Variants in PDE2A observed in about 807,000 individuals in gnomAD.
PDE2A encodes phosphodiesterase 2A.
In PDE2A, 53 loss-of-function variants were observed where a neutral mutation model predicts 133.6. That is an observed-to-expected ratio of 0.40 (90% CI 0.32 to 0.50). PDE2A has a LOEUF of 0.50. Ranked by LOEUF, PDE2A falls within the 20% of genes least tolerant of loss-of-function variation. The pLI is 0.73. For synonymous variants in PDE2A, 491 were observed against 490.2 expected, an observed-to-expected ratio of 1.00 and a Z score of -0.02; for missense variants, 796 against 1,232.4, an observed-to-expected ratio of 0.65 and a Z score of 5.30.
At chr11:72,604,400 C>G (rs1371111072) in intron 4 of PDE2A, among the ~76,000 whole-genome samples, 1 of 152,196 alleles carries the variant, frequency 6.6e-6, no homozygotes, top group Non-Finnish European at 1.5e-5. Context: ...AAATGGGCAT[C>G]AAGGTATCAG....
intron 1 of PDE2A, among the ~76,000 whole-genome samples, chr11:72,660,484 C>T (rs945237988): frequency 1.3e-5 from 2 of 152,208 alleles, no homozygotes; most frequent in Non-Finnish European, 2.9e-5. Context: ...TTAGCTTTCT[C>T]CCTGCTCTCA....
intron 13 of PDE2A, 29 bp from the exon 14 acceptor site, chr11:72,586,210 G>C (rs1362939338): frequency 1.5e-6 from 2 of 1,345,114 alleles, no homozygotes; most frequent in Admixed American, 1.8e-5. Context: ...TCACTCAGGA[G>C]GGAAGGGAAG....
intron 1 of PDE2A, among the ~76,000 whole-genome samples, chr11:72,646,510 C>G (rs1859131432): frequency 6.6e-6 from 1 of 152,210 alleles, no homozygotes; most frequent in African/African-American, 2.4e-5. Flanking sequence ...ACCCAGTGCT[C>G]TTTGCACCAA....
At chr11:72,653,179 T>C (rs920354761) in intron 1 of PDE2A, among the ~76,000 whole-genome samples, 1 of 152,154 alleles carries the variant, frequency 6.6e-6, no homozygotes, top group Non-Finnish European at 1.5e-5. Context: ...GGACTCCATC[T>C]GTTCTCTGGG....
chr11:72,652,275 C>T lies in PDE2A; in HGVS notation c.72-9949G>A, dbSNP rs189169631. On this transcript the variant is annotated intron_variant, in intron 1 of 30. Transcript: ENST00000334456. Reference sequence around the variant, plus strand: ...CCTTCTCCATGGGCCCATCAGCCTGCCTGTTGTGTTTTGTTTTTTTGAGAT... The same window carrying T: ...CCTTCTCCATGGGCCCATCAGCCTGTCTGTTGTGTTTTGTTTTTTTGAGAT... 2.0e-5 allele frequency among the ~76,000 whole-genome samples: 3 copies of T among 152,282 alleles called. No homozygotes were observed. The East Asian group carries it at 5.8e-4, about 29-fold the overall frequency.
intron 19 of PDE2A, 80 bp from the exon 20 acceptor site, chr11:72,583,595 TC>T: frequency 1.1e-6 from 1 of 910,136 alleles, no homozygotes; most frequent in Non-Finnish European, 1.8e-6. Context: ...GATGAAGGGG[TC>T]AAAAAGACAC....
chr11:72,608,764 A>G lies in PDE2A; in HGVS notation c.145-13T>C, dbSNP rs1290676804. 6.1e-6 allele frequency: 9 copies of G among 1,482,918 alleles called. No homozygotes were observed. The highest frequency in any genetic ancestry group is 8.3e-6 in the Non-Finnish European group (9 of 1,079,784). The allele number at this position is 1,482,918 out of a possible 1,614,324, so 91.9% of individuals were successfully genotyped here. On this transcript the variant is annotated splice_polypyrimidine_tract_variant and intron_variant, in intron 2 of 30. Coordinates refer to ENST00000334456, the MANE Select transcript of PDE2A (RefSeq NM_002599.5). ...TCAGCAAGGCGTCCTGGAAGAGAGGAGAGGGCAGTGAGAGGCTTTGCCAGG... is the reference window on the plus strand; with the variant it reads ...TCAGCAAGGCGTCCTGGAAGAGAGGGGAGGGCAGTGAGAGGCTTTGCCAGG...
chr11:72,596,877 T>C (rs1742236281), intron 5 of PDE2A, among the ~76,000 whole-genome samples: 1 of 151,952 alleles, frequency 6.6e-6, no homozygotes. Flanking sequence ...CACAACCTTC[T>C]TGTGATCCTC....
At chr11:72,651,615 G>T (rs1199416457) in intron 1 of PDE2A, among the ~76,000 whole-genome samples, 1 of 152,212 alleles carries the variant, frequency 6.6e-6, no homozygotes, top group East Asian at 1.9e-4. Flanking sequence ...TCCTTGAAAG[G>T]TGGCTGTGAA....
At chr11:72,620,073 A>G (rs1857682139) in intron 2 of PDE2A, among the ~76,000 whole-genome samples, 1 of 151,742 alleles carries the variant, frequency 6.6e-6, no homozygotes, top group Non-Finnish European at 1.5e-5. Context: ...GCACCACCCC[A>G]CCTCTGCTGG....
At chr11:72,656,351 G>C (rs1854901311) in intron 1 of PDE2A, among the ~76,000 whole-genome samples, 1 of 152,162 alleles carries the variant, frequency 6.6e-6, no homozygotes, top group Non-Finnish European at 1.5e-5. Flanking sequence ...GGGCCAGAAG[G>C]AGCCCTGAGG....
intron 1 of PDE2A, chr11:72,652,833 C>G (rs552125222): frequency 4.9e-6 from 2 of 408,316 alleles, no homozygotes; most frequent in East Asian, 7.1e-5. Flanking sequence ...GGGCCTCCCC[C>G]AGTCCTTCCT....
At position 72,590,033 on chromosome 11, in the gene PDE2A, C is replaced by T. The variant is rs771166942; in HGVS notation, c.757-52G>A. ...GGGTGACCGCGGATCCGGGTCACCC[C>T]ACTCCCCACCTGCTCCCCTCTCCGG... On this transcript the variant is annotated intron_variant, in intron 9 of 30. Transcript: ENST00000334456. This position sits in a 1 kb window ranked among gnomAD's most constrained non-coding sequence, Gnocchi z 4.8. The T allele has an allele frequency of 2.7e-6, 4 of 1,494,816 alleles. No homozygotes were observed. In the South Asian group the frequency reaches 3.6e-5, roughly 13 times the overall value. The allele number at this position is 1,494,816 out of a possible 1,614,324, so 92.6% of individuals were successfully genotyped here. A position where few individuals can be genotyped will look rare whatever the true frequency, so the allele number is the denominator to read the frequency against.
intron 2 of PDE2A, among the ~76,000 whole-genome samples, chr11:72,612,274 TCCACACACACACACACACAC>T (rs1382664277): frequency 2.8e-4 from 32 of 112,908 alleles, no homozygotes; most frequent in Admixed American, 7.6e-4. Flanking sequence ...GCACATCACA[TCCACACACACACACACACAC>T]ACACACACAC....
intron 6 of PDE2A, among the ~76,000 whole-genome samples, chr11:72,593,570 A>C (rs1856346755): frequency 6.6e-6 from 1 of 152,198 alleles, no homozygotes; most frequent in Non-Finnish European, 1.5e-5. Flanking sequence ...CCGTGCAGGG[A>C]GCTGGTGTGG....
chr11:72,607,941 C>T (rs1857045355), intron 3 of PDE2A, among the ~76,000 whole-genome samples: 1 of 152,132 alleles, frequency 6.6e-6, no homozygotes, highest in Non-Finnish European at 1.5e-5. Context: ...GCAACTAACA[C>T]CCTGCTACTT....
Position 72,584,890 on chromosome 11 carries a change from C to A in PDE2A, c.1341G>T (p.Gly447=), listed in dbSNP as rs201194860. The A allele has an allele frequency of 1.2e-6, 2 of 1,614,084 alleles. No individual in the cohort carries two copies. The highest frequency in any genetic ancestry group is 1.7e-6 in the Non-Finnish European group (2 of 1,180,034). Residue 447 remains glycine (G), a synonymous_variant, in exon 17 of 31, where the codon GGG becomes GGT. Coordinates refer to ENST00000334456, the MANE Select transcript of PDE2A (RefSeq NM_002599.5). ...QNELVAKVFD[G]GVVDDESYEI... ...CTCTCACCTCATCATCCACCACGCC[C>A]CCGTCGAACACCTTGGCCACCAGCT...
chr11:72,661,421 GGTT>G (rs1855056795), intron 1 of PDE2A, among the ~76,000 whole-genome samples: 1 of 152,016 alleles, frequency 6.6e-6, no homozygotes, highest in Admixed American at 6.6e-5. Flanking sequence ...TTTTTGGGGG[GGTT>G]TTTTGGCCCT....
In PDE2A at chr11:72,586,130, G is replaced by A; in HGVS notation, c.1122C>T (p.Ser374=). ...AGGCCAGGGTGCTGGTGAGCACGGT[G>A]CTGGTGTAGTGGAAGCAGTGCTGGA... ...HVIQHCFHYT[S]TVLTSTLAFQ... The change falls in exon 14 of 31, where the codon AGC becomes AGT. Residue 374 remains serine, a synonymous_variant. Transcript: ENST00000334456. The A allele has an allele frequency of 6.2e-7, 1 of 1,613,288 alleles. No homozygotes were observed. Among genetic ancestry groups the A allele is most frequent in the South Asian group, 1.1e-5 (1 of 90,820 alleles).
Sources: allele counts gnomAD v4.1 joint callset (sites outside exome capture counted in the v4.1 genomes callset), GRCh38; gene constraint gnomAD v4.1.1; non-coding constraint Gnocchi (gnomAD v3.1); transcripts MANE v1.5; gene names NCBI Gene and HGNC (gene_info 2026-07-23, HGNC 2026-07-21).